SLC17A5: variants seen among roughly 807,000 people sequenced by gnomAD.
SLC17A5 encodes the protein sialin.
Under a neutral mutation model 59.4 loss-of-function variants are expected in SLC17A5, and 47 were observed. The observed-to-expected ratio is 0.79, with a 90% confidence interval of 0.63 to 1.01. The LOEUF (loss-of-function observed/expected upper bound fraction) is 1.01. SLC17A5 is among the 50% of genes least tolerant of loss of function. The probability of loss-of-function intolerance (pLI) is 0.00; values close to 1 mark genes in which losing one functional copy is unlikely to be tolerated. For synonymous variants in SLC17A5, 202 were observed against 210.7 expected, an observed-to-expected ratio of 0.96 and a Z score of 0.36; for missense variants, 522 against 595.5, an observed-to-expected ratio of 0.88 and a Z score of 1.28.
Position 73,602,451 on chromosome 6 carries a change from TAAC to T in SLC17A5, c.1260-2013_1260-2011del, listed in dbSNP as rs201268144. On this transcript the variant is annotated intron_variant, in intron 9 of 10. Coordinates refer to ENST00000355773, the MANE Select transcript of SLC17A5 (RefSeq NM_012434.5). ...AATGATCAATAAAAAAAATAAAAAT[TAAC>T]AACAACAACAACAACAAAAAACATT... is the stretch of plus-strand genomic sequence containing the variant. 4.7e-4 allele frequency among the ~76,000 whole-genome samples: 70 copies of T among 149,986 alleles called. 1 individual carries two copies. Among genetic ancestry groups the T allele is most frequent in the Middle Eastern group, 3.4e-3 (1 of 294 alleles).
At chr6:73,613,830 GGC>G (rs1767734343) in intron 8 of SLC17A5, among the ~76,000 whole-genome samples, 1 of 152,148 alleles carries the variant, frequency 6.6e-6, no homozygotes, top group Non-Finnish European at 1.5e-5. Flanking sequence ...TAAAAAATAT[GGC>G]TGGGGGCTGG....
chr6:73,646,100 T>C (rs1307539352), intron 1 of SLC17A5, among the ~76,000 whole-genome samples: 1 of 152,206 alleles, frequency 6.6e-6, no homozygotes, highest in Non-Finnish European at 1.5e-5. Context: ...CATTAAGCAA[T>C]GACATATTAA....
intron 8 of SLC17A5, among the ~76,000 whole-genome samples, chr6:73,612,108 G>A (rs1256405472): frequency 2.0e-5 from 3 of 152,066 alleles, no homozygotes; most frequent in Admixed American, 2.0e-4. Flanking sequence ...TGCCTCCCAG[G>A]TGTAAGCAAG....
chr6:73,621,739 G>A (rs1768162009), intron 7 of SLC17A5, 65 bp downstream of exon 7: 2 of 1,307,664 alleles, frequency 1.5e-6, no homozygotes, highest in East Asian at 4.9e-5. Flanking sequence ...TTATACAGAT[G>A]AGAACAAATT....
chr6:73,630,200 C>T (rs1207103004), intron 6 of SLC17A5, among the ~76,000 whole-genome samples: 4 of 152,076 alleles, frequency 2.6e-5, no homozygotes, highest in Non-Finnish European at 5.9e-5. Flanking sequence ...GCCATATTGG[C>T]CAGGCTGGTC....
intron 9 of SLC17A5, among the ~76,000 whole-genome samples, chr6:73,602,093 A>G (rs1767151555): frequency 6.6e-6 from 1 of 151,942 alleles, no homozygotes; most frequent in Admixed American, 6.6e-5. Flanking sequence ...GTTCTGTACT[A>G]AGATACATTC....
intron 7 of SLC17A5, among the ~76,000 whole-genome samples, chr6:73,616,947 C>T (rs1337233063): frequency 4.0e-5 from 6 of 151,612 alleles, no homozygotes; most frequent in African/African-American, 1.2e-4. Flanking sequence ...CCTCATTTTT[C>T]GCGTCCAATC....
chr6:73,620,527 G>A (rs1768092996), intron 7 of SLC17A5, among the ~76,000 whole-genome samples: 1 of 152,250 alleles, frequency 6.6e-6, no homozygotes, highest in African/African-American at 2.4e-5. Context: ...TTTCTATATA[G>A]TGATCTTGTT....
rs140449728 is a variant in SLC17A5, at chr6:73,652,354, A to G, written c.94+1439T>C. On this transcript the variant is annotated intron_variant, in intron 1 of 10. Transcript: ENST00000355773. ...TAAATGTATACATTTGTCCATCTCA[A>G]TCTTTATTGAGATGTATAACTTTTC... Among the ~76,000 whole-genome samples the G allele has an allele frequency of 1.5e-3, 223 of 152,300 alleles. 2 individuals carry two copies. In the East Asian group the frequency reaches 0.03, roughly 20 times the overall value.
Position 73,644,415 on chromosome 6 carries a change from T to C in SLC17A5, c.283A>G (p.Asn95Asp), listed in dbSNP as rs994224076. Residue 95 changes from asparagine to aspartate, a missense_variant, in exon 2 of 11, where the codon AAT (asparagine) becomes GAT (aspartate). Physicochemically the swap from Asn to Asp is conservative, Grantham distance 23 (BLOSUM62 1). Transcript: ENST00000355773. Reference sequence around the variant, plus strand: ...TAAAAAATAGCACCTACCGTTTGATTATGATGAACTTTTATGGGAGCAGAA... The same window carrying C: ...TAAAAAATAGCACCTACCGTTTGATCATGATGAACTTTTATGGGAGCAGAA... ...EHSAPIKVHH[N>D]QTGKKYQWDA... is the part of the protein sequence containing the mutation. The C allele has an allele frequency of 3.1e-6, 5 of 1,613,018 alleles. No homozygotes were observed. Among genetic ancestry groups the C allele is most frequent in the Non-Finnish European group, 4.2e-6 (5 of 1,179,276 alleles).
intron 4 of SLC17A5, among the ~76,000 whole-genome samples, chr6:73,638,127 A>G (rs184409389): frequency 6.6e-6 from 1 of 152,292 alleles, no homozygotes; most frequent in African/African-American, 2.4e-5. Context: ...AAGTAAACAG[A>G]AAAAGAAAAA....
At chr6:73,595,268 T>G in intron 10 of SLC17A5, 54 bp from the exon 11 acceptor site, 1 of 1,595,640 alleles carries the variant, frequency 6.3e-7, no homozygotes, top group Non-Finnish European at 8.6e-7. Flanking sequence ...TGTAGTTCAC[T>G]TCATTAAAAA....
rs966339277 is a variant in SLC17A5 at position 73,644,569 on chromosome 6, T to C, written c.129A>G (p.Ala43=). ...PVCCSARYNL[A]ILAFFGFFIV... is the part of the protein sequence containing the mutation. ...TGAAGAAACCAAAAAAGGCCAAAAT[T>C]GCTAAGTTGTAACGAGCAGAGCAGC... The change falls in exon 2 of 11, where the codon GCA becomes GCG. Residue 43 remains alanine (A), a synonymous_variant. Transcript: ENST00000355773. The C allele has an allele frequency of 1.2e-6, 2 of 1,614,134 alleles. No homozygotes were observed. Among genetic ancestry groups the C allele is most frequent in the Non-Finnish European group, 1.7e-6 (2 of 1,180,004 alleles).
chr6:73,638,930 A>G (rs973286617), intron 3 of SLC17A5, among the ~76,000 whole-genome samples: 6 of 152,234 alleles, frequency 3.9e-5, no homozygotes, highest in Non-Finnish European at 8.8e-5. Flanking sequence ...GATCTTGCTC[A>G]AGGTTAATTT....
chr6:73,615,880 C>CTTTTTTTTT (rs71674685), intron 7 of SLC17A5, among the ~76,000 whole-genome samples: 15 of 97,584 alleles, frequency 1.5e-4, no homozygotes, highest in Non-Finnish European at 1.9e-4. Context: ...ATGAATCATT[C>CTTTTTTTTT]TTTTTTTTTT....
At chr6:73,608,472 CAG>C (rs1215580995) in intron 9 of SLC17A5, among the ~76,000 whole-genome samples, 1 of 152,106 alleles carries the variant, frequency 6.6e-6, no homozygotes, top group South Asian at 2.1e-4. Flanking sequence ...CTGTAAAAGA[CAG>C]AGAGTGAGAA....
At chr6:73,608,409 T>C (rs1405755840) in intron 9 of SLC17A5, among the ~76,000 whole-genome samples, 1 of 152,118 alleles carries the variant, frequency 6.6e-6, no homozygotes, top group Admixed American at 6.6e-5. Context: ...TTGCTGGCAA[T>C]CATTTCATTG....
intron 1 of SLC17A5, among the ~76,000 whole-genome samples, chr6:73,651,733 G>T (rs1250810013): frequency 1.3e-5 from 2 of 151,602 alleles, no homozygotes; most frequent in South Asian, 4.2e-4. Flanking sequence ...TAGTAGGGAC[G>T]GCGTTTCAGG....
In SLC17A5 at chr6:73,632,446, T is replaced by TC. The variant is rs1414779902; in HGVS notation, c.819+2935_819+2936insG. ...GATGTAGAGAAAGCTTTTTTTTTTT[T>TC]TTTTTTTTTTTTTTAAGACAGGGTC... On this transcript the variant is annotated intron_variant, in intron 6 of 10. Transcript: ENST00000355773. 2.1e-5 allele frequency among the ~76,000 whole-genome samples: 3 copies of TC among 142,782 alleles called. No individual in the cohort carries two copies. In the East Asian group the frequency reaches 5.9e-4, roughly 28 times the overall value. 93.7% of individuals were successfully genotyped at this position (142,782 alleles called of 152,430 possible).
Sources: allele counts gnomAD v4.1 joint callset (sites outside exome capture counted in the v4.1 genomes callset), GRCh38; gene constraint gnomAD v4.1.1; transcripts MANE v1.5; gene names NCBI Gene and HGNC (gene_info 2026-07-23, HGNC 2026-07-21).